ADGRE5: variants seen among roughly 807,000 people sequenced by gnomAD.
ADGRE5 encodes the protein CD97 molecule.
ADGRE5 carries 72 observed loss-of-function variants against 100.3 expected under a neutral mutation model. The observed-to-expected ratio is 0.72, with a 90% CI of 0.59 to 0.87. ADGRE5 has a LOEUF of 0.87. Ranked by LOEUF, ADGRE5 falls within the 40% of genes least tolerant of loss-of-function variation. The probability of loss-of-function intolerance (pLI) is 0.00; values close to 1 mark genes in which losing one functional copy is unlikely to be tolerated. For synonymous variants in ADGRE5, 439 were observed against 447.8 expected (o/e 0.98, Z 0.25); for missense variants, 959 against 1,094.7 (o/e 0.88, Z 1.75).
chr19:14,401,460 C>T lies in ADGRE5; in HGVS notation c.972C>T (p.His324=). Residue 324 remains histidine (H), a synonymous_variant, in exon 10 of 20, where the codon CAC becomes CAT. Transcript: ENST00000242786. The surrounding 1 kb of genome is among the most constrained non-coding windows in gnomAD (Gnocchi z 4.1). The part of the protein sequence containing the change: ...DVEALAPPVR[H]LIATQLLSNL... ...AGGCCCTGGCGCCACCTGTCCGGCA[C>T]CTCATAGCCACCCAGCTGCTCTCAA... 6.2e-7 allele frequency: 1 copy of T among 1,614,130 alleles called. No individual in the cohort carries two copies. Among genetic ancestry groups the T allele is most frequent in the Non-Finnish European group, 8.5e-7 (1 of 1,180,016 alleles).
chr19:14,390,804 T>G, intron 3 of ADGRE5, 120 bp from the exon 4 acceptor site: 1 of 1,263,308 alleles, frequency 7.9e-7, no homozygotes, highest in Non-Finnish European at 1.1e-6. Context: ...CAGTGCAACT[T>G]AAGATTTTTT....
rs1010833680 is a variant in ADGRE5 at position 14,406,082 on chromosome 19, C to T, written c.1821+143C>T. On this transcript the variant is annotated intron_variant, in intron 14 of 19. Coordinates refer to ENST00000242786, the MANE Select transcript of ADGRE5 (RefSeq NM_078481.4). The surrounding 1 kb of genome is among the most constrained non-coding windows in gnomAD (Gnocchi z 6.0). ...CCCCTGTCCGGGATCTGGCCCCGCC[C>T]ACCGGGGGGTCGGGTTGTCTCTTTA... The T allele has an allele frequency of 2.6e-6, 2 of 773,376 alleles. No individual in the cohort carries two copies. The highest frequency in any genetic ancestry group is 1.8e-5 in the African/African-American group (1 of 56,812). 47.9% of individuals were successfully genotyped at this position (773,376 alleles called of 1,614,324 possible).
chr19:14,392,679 G>A (rs539717447), intron 4 of ADGRE5, among the ~76,000 whole-genome samples: 26 of 152,180 alleles, frequency 1.7e-4, no homozygotes, highest in African/African-American at 6.3e-4. Context: ...GAGGCAGGTG[G>A]ATCATCTGAG....
rs971536290 is a variant in ADGRE5, at chr19:14,388,601, C to T, written c.73+101C>T. 1.5e-4 allele frequency: 236 copies of T among 1,606,748 alleles called. No individual in the cohort carries two copies. In the African/African-American group the frequency reaches 2.8e-3, roughly 19 times the overall value. On this transcript the variant is annotated intron_variant, in intron 2 of 19. Coordinates refer to ENST00000242786, the MANE Select transcript of ADGRE5 (RefSeq NM_078481.4). ...CTTCAGCCCAGGGAAAGAGAGGGCT[C>T]GCGCACGAGAAACTCAGCGCCCTGC...
chr19:14,398,402 G>A lies in ADGRE5; in HGVS notation c.897+263G>A, dbSNP rs1975868066. 11 of 448,802 alleles carry A rather than the reference G, an allele frequency of 2.5e-5. No individual in the cohort carries two copies. In the South Asian group the frequency reaches 2.6e-4, roughly 11 times the overall value. The allele number at this position is 448,802 out of a possible 1,614,324, so 27.8% of individuals were successfully genotyped here. A position where few individuals can be genotyped will look rare whatever the true frequency, so the allele number is the denominator to read the frequency against. ...CCTGGAGTTGAGGCCGGGCACGGTGGCTCACGCCTGTAATCCCAGCACTTT... is the reference window on the plus strand; with the variant it reads ...CCTGGAGTTGAGGCCGGGCACGGTGACTCACGCCTGTAATCCCAGCACTTT... On this transcript the variant is annotated intron_variant, in intron 9 of 19. Coordinates refer to ENST00000242786, the MANE Select transcript of ADGRE5 (RefSeq NM_078481.4).
At chr19:14,393,720 A>G (rs1363040471) in intron 4 of ADGRE5, among the ~76,000 whole-genome samples, 1 of 152,302 alleles carries the variant, frequency 6.6e-6, no homozygotes, top group East Asian at 1.9e-4. Flanking sequence ...GTTGGGGGAC[A>G]AGGCAGAGAT....
At chr19:14,382,629 G>A (rs1216653449) in intron 1 of ADGRE5, among the ~76,000 whole-genome samples, 1 of 151,952 alleles carries the variant, frequency 6.6e-6, no homozygotes, top group East Asian at 1.9e-4. Context: ...TTGAGAGGCC[G>A]AGGCAGGTGG....
chr19:14,388,238 C>T (rs950301929), intron 1 of ADGRE5, among the ~76,000 whole-genome samples: 1 of 150,688 alleles, frequency 6.6e-6, no homozygotes, highest in African/African-American at 2.4e-5. Flanking sequence ...AAAAAAAAAA[C>T]AAAAACAAAA....
intron 4 of ADGRE5, among the ~76,000 whole-genome samples, chr19:14,393,638 C>A (rs1450820376): frequency 1.3e-5 from 2 of 152,184 alleles, no homozygotes; most frequent in Non-Finnish European, 2.9e-5. Flanking sequence ...AAAGGGCCGG[C>A]AGCCCAGATC....
intron 1 of ADGRE5, among the ~76,000 whole-genome samples, chr19:14,384,671 T>C (rs1427004930): frequency 6.7e-6 from 1 of 149,076 alleles, no homozygotes; most frequent in Non-Finnish European, 1.5e-5. Flanking sequence ...TTCTCATGGT[T>C]TTCTTTCTTC....
In ADGRE5 at chr19:14,404,445, G is replaced by A; in HGVS notation, c.1512G>A (p.Arg504=). 1.9e-6 allele frequency: 3 copies of A among 1,612,362 alleles called. No homozygotes were observed. In the African/African-American group the frequency reaches 4.0e-5, roughly 21 times the overall value. Residue 504 remains arginine, a synonymous_variant, in exon 13 of 20, where the codon AGG becomes AGA. Transcript: ENST00000242786. The part of the protein sequence containing the change: ...LCAFWKSDSD[R]GGHWATEGCQ... Reference sequence around the variant, plus strand: ...CCTTCTGGAAGAGTGACAGCGACAGGGGAGGGCACTGGGCCACCGAGGGCT... The same window carrying A: ...CCTTCTGGAAGAGTGACAGCGACAGAGGAGGGCACTGGGCCACCGAGGGCT...
chr19:14,386,282 G>A (rs2146345397), intron 1 of ADGRE5, among the ~76,000 whole-genome samples: 1 of 150,946 alleles, frequency 6.6e-6, no homozygotes, highest in Non-Finnish European at 1.5e-5. Flanking sequence ...TGGAGGCTGA[G>A]GCAGGAGAAT....
Position 14,406,539 on chromosome 19 carries a change from G to A in ADGRE5, c.2030G>A (p.Gly677Asp). ...GTCTCGGCTGCCATCTACAGCAAGG[G>A]CTACGGCCGCCCCAGATAGTGAGTG... ...VGVSAAIYSK[G>D]YGRPRYCWLD... is the part of the protein sequence containing the mutation. The change falls in exon 15 of 20, where the codon GGC (glycine) becomes GAC (aspartate). Residue 677 changes from glycine to aspartate, a missense_variant. Physicochemically the swap from Gly to Asp is moderately conservative, Grantham distance 94 (BLOSUM62 -1). Around this residue, in one of 6 missense-constraint regions of ADGRE5, gnomAD observed 428 missense variants for 386.2 expected, o/e 1.11. Coordinates refer to ENST00000242786, the MANE Select transcript of ADGRE5 (RefSeq NM_078481.4). This position sits in a 1 kb window ranked among gnomAD's most constrained non-coding sequence, Gnocchi z 6.0. 1 of 1,581,050 alleles carries A rather than the reference G, an allele frequency of 6.3e-7. No homozygotes were observed. Among genetic ancestry groups the A allele is most frequent in the Middle Eastern group, 1.7e-4 (1 of 6,024 alleles).
intron 1 of ADGRE5, among the ~76,000 whole-genome samples, chr19:14,382,981 C>A (rs941202172): frequency 1.3e-5 from 2 of 151,984 alleles, no homozygotes; most frequent in African/African-American, 4.8e-5. Context: ...GGTGATTCAC[C>A]CGCCTCCGCC....
Position 14,397,119 on chromosome 19 carries a change from C to A in ADGRE5, c.521C>A (p.Ser174Tyr). 6.2e-7 allele frequency: 1 copy of A among 1,614,124 alleles called. No individual in the cohort carries two copies. The highest frequency in any genetic ancestry group is 1.1e-5 in the South Asian group (1 of 91,078). ...TCCGGACAAAACCCGTGCCACAGCTCCACCCACTGCCTCAACAACGTGGGC... is the reference window on the plus strand; with the variant it reads ...TCCGGACAAAACCCGTGCCACAGCTACACCCACTGCCTCAACAACGTGGGC... ...CTSGQNPCHS[S>Y]THCLNNVGSY... Residue 174 changes from serine to tyrosine, a missense_variant, in exon 6 of 20, where the codon TCC becomes TAC. Physicochemically the swap from Ser to Tyr is moderately radical, Grantham distance 144. Transcript: ENST00000242786.
chr19:14,405,900 C>T lies in ADGRE5; in HGVS notation c.1782C>T (p.Ser594=). The T allele has an allele frequency of 4.3e-6, 7 of 1,611,284 alleles. No homozygotes were observed. The highest frequency in any genetic ancestry group is 5.9e-6 in the Non-Finnish European group (7 of 1,179,982). Residue 594 remains serine (S), a synonymous_variant, in exon 14 of 20, where the codon TCC becomes TCT. Transcript: ENST00000242786. ...TCTGCATCTGCCTCTTCGTGGGCTC[C>T]ACCATCTTCCTGGCCGGCATCGAGA... ...LHLCICLFVG[S]TIFLAGIENE...
intron 14 of ADGRE5, 36 bp downstream of exon 14, chr19:14,405,975 G>T: frequency 6.4e-7 from 1 of 1,565,754 alleles, no homozygotes. Context: ...GAGCTCTGGG[G>T]TCAGGGAGGC....
chr19:14,405,437 C>T lies in ADGRE5; in HGVS notation c.1630-311C>T, dbSNP rs1976186899. On this transcript the variant is annotated intron_variant, in intron 13 of 19. Coordinates refer to ENST00000242786, the MANE Select transcript of ADGRE5 (RefSeq NM_078481.4). ...AGGATTAGAGGCATGAGCCACCACA[C>T]CCAGCCTGGAGCACCACTTTCTGTA... 1.2e-5 allele frequency: 4 copies of T among 320,956 alleles called. No homozygotes were observed. The South Asian group carries it at 2.3e-4, about 19-fold the overall frequency. 19.9% of individuals were successfully genotyped at this position (320,956 alleles called of 1,614,324 possible).
At chr19:14,398,426 T>C in intron 9 of ADGRE5, 1 of 375,770 alleles carries the variant, frequency 2.7e-6, no homozygotes, top group South Asian at 2.9e-5. Context: ...TCCCAGCACT[T>C]TGGAAGGCCG....
Sources: allele counts gnomAD v4.1 joint callset (sites outside exome capture counted in the v4.1 genomes callset), GRCh38; gene constraint gnomAD v4.1.1; regional missense constraint gnomAD v4.1.1; non-coding constraint Gnocchi (gnomAD v3.1); transcripts MANE v1.5; gene names NCBI Gene and HGNC (gene_info 2026-07-23, HGNC 2026-07-21).